The following PDE3B variants were observed in gnomAD, a reference collection of about 807,000 sequenced individuals.
The protein encoded by PDE3B is cGMP-inhibited 3',5'-cyclic phosphodiesterase 3B.
In PDE3B, 66 loss-of-function variants were observed where a neutral mutation model predicts 116.8. The ratio of observed to expected loss-of-function variants is 0.56; its 90% CI spans 0.46 to 0.69. PDE3B has a LOEUF of 0.69. PDE3B is among the 30% of genes least tolerant of loss of function. The pLI is 0.00. For missense variants in PDE3B, 1,384 were observed against 1,368.1 expected (o/e 1.01, Z -0.18); for synonymous variants, 595 against 533.6 (o/e 1.12, Z -1.59).
intron 5 of PDE3B, among the ~76,000 whole-genome samples, chr11:14,809,135 T>C (rs759217222): frequency 2.0e-5 from 3 of 152,214 alleles, no homozygotes; most frequent in Non-Finnish European, 2.9e-5. Flanking sequence ...TTTAGTATGG[T>C]ACTGGCATAG....
chr11:14,734,964 A>G (rs1290179581), intron 1 of PDE3B, among the ~76,000 whole-genome samples: 1 of 152,120 alleles, frequency 6.6e-6, no homozygotes, highest in African/African-American at 2.4e-5. Flanking sequence ...TTTTTTTCCA[A>G]ACCAGGCAAG....
chr11:14,777,526 T>C (rs55712837), intron 2 of PDE3B, among the ~76,000 whole-genome samples: 35,715 of 152,088 alleles, frequency 0.23, 4,955 homozygotes, highest in Non-Finnish European at 0.33. Context: ...ACATAACCTA[T>C]AGGGGAACAC....
intron 5 of PDE3B, among the ~76,000 whole-genome samples, chr11:14,815,595 AGAGT>A (rs1200642896): frequency 1.3e-5 from 2 of 152,198 alleles, no homozygotes; most frequent in African/African-American, 4.8e-5. Flanking sequence ...AAGAATCTCT[AGAGT>A]GAGTCTCTAG....
chr11:14,664,145 A>G (rs149660726), intron 1 of PDE3B, among the ~76,000 whole-genome samples: 3,723 of 152,338 alleles, frequency 0.024, 60 homozygotes, highest in Middle Eastern at 0.034. Flanking sequence ...TGGAAACTGA[A>G]CAACCTGCTC....
chr11:14,801,230 G>C (rs181865913), intron 4 of PDE3B, among the ~76,000 whole-genome samples: 118 of 152,226 alleles, frequency 7.8e-4, no homozygotes, highest in African/African-American at 2.3e-3. Flanking sequence ...GAGAAGAGGC[G>C]TTGTGTTTTT....
chr11:14,824,457 GA>G (rs1362568297), intron 7 of PDE3B, among the ~76,000 whole-genome samples: 1 of 152,180 alleles, frequency 6.6e-6, no homozygotes, highest in Non-Finnish European at 1.5e-5. Context: ...TAACTGATCT[GA>G]TAGAGCTGAA....
chr11:14,715,943 C>G (rs971268703), intron 1 of PDE3B, among the ~76,000 whole-genome samples: 1 of 152,180 alleles, frequency 6.6e-6, no homozygotes, highest in African/African-American at 2.4e-5. Flanking sequence ...GGAACAGCTC[C>G]GGTCTACAGC....
rs530678594 is a variant in PDE3B at position 14,789,087 on chromosome 11, T to C, written c.1279-19T>C. 4 of 1,579,550 alleles carry C rather than the reference T, an allele frequency of 2.5e-6. No individual in the cohort carries two copies. The African/African-American group carries it at 5.5e-5, about 22-fold the overall frequency. On this transcript the variant is annotated intron_variant, in intron 3 of 15. Transcript: ENST00000282096. ...TATTAAAGAGTGACATTTTAAACCA[T>C]TGTTAAATTATTCAACAGGGACTAA...
At chr11:14,659,322 G>A (rs1248020540) in intron 1 of PDE3B, among the ~76,000 whole-genome samples, 2 of 152,168 alleles carry the variant, frequency 1.3e-5, no homozygotes, top group African/African-American at 4.8e-5. Flanking sequence ...AAAATTCCTA[G>A]ATGTTTCAAT....
chr11:14,787,806 C>G (rs1395406952), intron 3 of PDE3B, among the ~76,000 whole-genome samples: 3 of 151,678 alleles, frequency 2.0e-5, no homozygotes, highest in Non-Finnish European at 1.5e-5. Context: ...TAAAATAACT[C>G]TAATGTATTC....
At chr11:14,854,006 G>A (rs1236982718) in intron 12 of PDE3B, among the ~76,000 whole-genome samples, 1 of 152,180 alleles carries the variant, frequency 6.6e-6, no homozygotes, top group Admixed American at 6.5e-5. Context: ...TCCTGAGAAT[G>A]CATTAAAATA....
chr11:14,880,190 T>C, the PDE3B span: 2 of 1,612,898 alleles, frequency 1.2e-6, no homozygotes, highest in South Asian at 2.2e-5. Context: ...AGCACATTGG[T>C]TGTAGTTTCA....
At chr11:14,681,708 G>C (rs558867617) in intron 1 of PDE3B, among the ~76,000 whole-genome samples, 3 of 152,272 alleles carry the variant, frequency 2.0e-5, no homozygotes, top group Non-Finnish European at 4.4e-5. Context: ...GTTGCTCTTT[G>C]CTAGTATATA....
downstream of PDE3B, among the ~76,000 whole-genome samples, chr11:14,875,868 T>C (rs1226760905): frequency 6.6e-6 from 1 of 152,194 alleles, no homozygotes; most frequent in Non-Finnish European, 1.5e-5. Flanking sequence ...TAAAAGTTTA[T>C]GAATCTACAT....
chr11:14,676,300 ACACAAACCT>A (rs928551087), intron 1 of PDE3B, among the ~76,000 whole-genome samples: 2 of 152,162 alleles, frequency 1.3e-5, no homozygotes, highest in African/African-American at 4.8e-5. Context: ...CAGAGTACTT[ACACAAACCT>A]AGATGTTACA....
At chr11:14,851,323 G>A (rs1455397048) in intron 12 of PDE3B, among the ~76,000 whole-genome samples, 2 of 151,864 alleles carry the variant, frequency 1.3e-5, no homozygotes, top group Non-Finnish European at 2.9e-5. Flanking sequence ...TTTAAACCTT[G>A]GCTCTGATCC....
chr11:14,670,530 G>A (rs1854330141), intron 1 of PDE3B, among the ~76,000 whole-genome samples: 1 of 151,984 alleles, frequency 6.6e-6, no homozygotes, highest in South Asian at 2.1e-4. Flanking sequence ...GGATTAATAC[G>A]AGAAAATCTT....
chr11:14,882,406 A>G, the PDE3B span, among the ~76,000 whole-genome samples: 16 of 152,150 alleles, frequency 1.1e-4, no homozygotes, highest in Non-Finnish European at 1.6e-4. Flanking sequence ...CACTGCAGTT[A>G]GAGGTAACAG....
rs1424004154 is a variant in PDE3B, at chr11:14,644,239, G to A, written c.164G>A (p.Cys55Tyr). The part of the protein sequence containing the change: ...RGFFFHLCRF[C>Y]NVELRPPPAS... ...TTCTTCTTCCACCTCTGCCGCTTCT[G>A]CAACGTGGAGCTGCGGCCGCCGCCG... Residue 55 changes from cysteine to tyrosine, a missense_variant, in exon 1 of 16, where the codon TGC becomes TAC. This residue lies in a region of PDE3B where 956 missense variants were observed against 806.8 expected (regional missense o/e 1.18). Transcript: ENST00000282096. 2.5e-6 allele frequency: 4 copies of A among 1,582,088 alleles called. No individual in the cohort carries two copies. Among genetic ancestry groups the A allele is most frequent in the Admixed American group, 1.7e-5 (1 of 57,830 alleles).
Sources: allele counts gnomAD v4.1 joint callset (sites outside exome capture counted in the v4.1 genomes callset), GRCh38; gene constraint gnomAD v4.1.1; regional missense constraint gnomAD v4.1.1; transcripts MANE v1.5; gene names NCBI Gene and HGNC (gene_info 2026-07-23, HGNC 2026-07-21).